TTC7B: variants seen among roughly 807,000 people sequenced by gnomAD.
TTC7B encodes tetratricopeptide repeat protein 7B.
TTC7B carries 28 observed loss-of-function variants against 106.8 expected under a neutral mutation model. The ratio of observed to expected loss-of-function variants is 0.26; its 90% confidence interval spans 0.19 to 0.36. The LOEUF (loss-of-function observed/expected upper bound fraction) is 0.36, where lower values mean the gene tolerates loss of function less well. TTC7B is among the 10% of genes least tolerant of loss of function. TTC7B has a pLI of 1.00. For missense variants in TTC7B, 862 were observed against 1,076.4 expected, an observed-to-expected ratio of 0.80 and a Z score of 2.79; for synonymous variants, 405 against 430.6, an observed-to-expected ratio of 0.94 and a Z score of 0.74.
Position 90,786,258 on chromosome 14 carries a change from C to G in TTC7B, c.192G>C (p.Gln64His), listed in dbSNP as rs141249365. ...GCTTGGGGCCTCGGGGACTGGCCCC[C>G]TGCCTCAGGGGGTGTTCCTTCAGGT... ...EQYLKEHPLR[Q>H]GASPRGPKPQ... The change falls in exon 2 of 20, where the codon CAG becomes CAC. Residue 64 changes from glutamine to histidine, a missense_variant. Transcript: ENST00000328459. 1.4e-5 allele frequency: 22 copies of G among 1,612,350 alleles called. No individual in the cohort carries two copies. The East Asian group carries it at 4.9e-4, about 36-fold the overall frequency.
Position 90,631,408 on chromosome 14 carries a change from ATT to A in TTC7B, c.1751+12638_1751+12639del, listed in dbSNP as rs752394881. ...ACTGTTTTCCATAGCGTCTGCACCA[ATT>A]TTTTTTTTTTTTTTTTGAGACAGAT... is the stretch of plus-strand genomic sequence containing the variant. On this transcript the variant is annotated intron_variant, in intron 15 of 19. Transcript: ENST00000328459. Among the ~76,000 whole-genome samples the A allele has an allele frequency of 6.4e-3, 856 of 133,560 alleles. 5 individuals carry two copies. The highest frequency in any genetic ancestry group is 0.022 in the African/African-American group (811 of 36,434). 87.6% of individuals were successfully genotyped at this position (133,560 alleles called of 152,430 possible).
Position 90,676,517 on chromosome 14 carries a change from C to A in TTC7B, c.1152+6G>T. 1 of 1,613,492 alleles carries A rather than the reference C, an allele frequency of 6.2e-7. No individual in the cohort carries two copies. Among genetic ancestry groups the A allele is most frequent in the Non-Finnish European group, 8.5e-7 (1 of 1,179,582 alleles). ...CCTGGATGTCAACCAGACTCAGCAG[C>A]TGTACCTCTGACAGCATCTCATACT... On this transcript the variant is annotated splice_donor_region_variant and intron_variant, in intron 9 of 19. Transcript: ENST00000328459.
At chr14:90,684,609 A>G in intron 7 of TTC7B, among the ~76,000 whole-genome samples, 1 of 152,204 alleles carries the variant, frequency 6.6e-6, no homozygotes, top group Non-Finnish European at 1.5e-5. Context: ...AGTTAGACAA[A>G]AGAAGTTAAA....
intron 5 of TTC7B, among the ~76,000 whole-genome samples, chr14:90,700,980 G>A (rs1313883489): frequency 1.3e-5 from 2 of 151,904 alleles, no homozygotes; most frequent in Non-Finnish European, 2.9e-5. Context: ...ATGGAGTCCA[G>A]CTTCCCCCTC....
At chr14:90,803,308 C>A (rs2030393854) in intron 1 of TTC7B, among the ~76,000 whole-genome samples, 1 of 152,142 alleles carries the variant, frequency 6.6e-6, no homozygotes, top group Non-Finnish European at 1.5e-5. Context: ...TATGTTCTAG[C>A]TGCAGTGCTT....
rs148992392 is a variant in TTC7B at position 90,607,671 on chromosome 14, G to A, written c.1966+3071C>T. 5.5e-3 allele frequency among the ~76,000 whole-genome samples: 842 copies of A among 152,358 alleles called. 7 individuals are homozygous for A. The highest frequency in any genetic ancestry group is 0.018 in the African/African-American group (766 of 41,590). ...GGCAAAGGGAGGAAAAATGACTGCG[G>A]TCATGCTGGATGGATAAGAATCCAG... On this transcript the variant is annotated intron_variant, in intron 17 of 19. Transcript: ENST00000328459.
At chr14:90,654,727 G>A (rs1308382981) in intron 12 of TTC7B, among the ~76,000 whole-genome samples, 2 of 152,216 alleles carry the variant, frequency 1.3e-5, no homozygotes, top group East Asian at 1.9e-4. Flanking sequence ...TCAAAGCGCA[G>A]TGAGGTGCCC....
chr14:90,729,935 T>C (rs1889261253), intron 5 of TTC7B, 140 bp downstream of exon 5: 2 of 827,824 alleles, frequency 2.4e-6, no homozygotes, highest in African/African-American at 4.1e-5. Flanking sequence ...CAATGTTCAT[T>C]CTTTAAAAGA....
At position 90,759,207 on chromosome 14, in the gene TTC7B, T is replaced by C. The variant is rs1890419384; in HGVS notation, c.446-14285A>G. 6.6e-6 allele frequency among the ~76,000 whole-genome samples: 1 copy of C among 152,042 alleles called. No homozygotes were observed. Among genetic ancestry groups the C allele is most frequent in the Non-Finnish European group, 1.5e-5 (1 of 68,004 alleles). Reference sequence around the variant, plus strand: ...GACTCTCTCCTTCTCCACAGAACAATCTGTGTTCTGCTCCCGCCCCCGAGA... The same window carrying C: ...GACTCTCTCCTTCTCCACAGAACAACCTGTGTTCTGCTCCCGCCCCCGAGA... On this transcript the variant is annotated intron_variant, in intron 3 of 19. Transcript: ENST00000328459. The surrounding 1 kb of genome is among the most constrained non-coding windows in gnomAD (Gnocchi z 4.1).
intron 15 of TTC7B, among the ~76,000 whole-genome samples, chr14:90,636,852 A>C (rs1428785737): frequency 6.6e-6 from 1 of 152,014 alleles, no homozygotes; most frequent in Non-Finnish European, 1.5e-5. Context: ...TAAAAATTTC[A>C]AATATTGAAA....
intron 5 of TTC7B, chr14:90,697,792 C>A (rs1566842351): frequency 6.6e-6 from 1 of 152,226 alleles, no homozygotes; most frequent in Admixed American, 6.5e-5. Flanking sequence ...GAAGTCTCCG[C>A]CCCGAAGGAG....
intron 5 of TTC7B, among the ~76,000 whole-genome samples, chr14:90,711,658 G>T (rs1888452576): frequency 1.3e-5 from 2 of 152,226 alleles, no homozygotes; most frequent in Non-Finnish European, 2.9e-5. Flanking sequence ...CTGGCCTCAG[G>T]TGATCCACCC....
In TTC7B at chr14:90,541,494, G is replaced by A. The variant is rs147731092; in HGVS notation, c.2406C>T (p.Asn802=). ...GAGCTTGGAGGACCTCGCCCAGCCC[G>A]TTCCAGACCTCGTGGGCTGTCGAGT... ...QVNSTAHEVW[N]GLGEVLQAQG... Residue 802 remains asparagine, a synonymous_variant, in exon 20 of 20, where the codon AAC becomes AAT. Transcript: ENST00000328459. 657 of 1,613,950 alleles carry A rather than the reference G, an allele frequency of 4.1e-4. 1 individual carries two copies. The highest frequency in any genetic ancestry group is 5.1e-4 in the Non-Finnish European group (605 of 1,179,966).
At position 90,628,204 on chromosome 14, in the gene TTC7B, A is replaced by T. The variant is rs1884535871; in HGVS notation, c.1752-10159T>A. Among the ~76,000 whole-genome samples the T allele has an allele frequency of 2.0e-5, 3 of 152,268 alleles. No homozygotes were observed. The South Asian group carries it at 6.2e-4, about 31-fold the overall frequency. On this transcript the variant is annotated intron_variant, in intron 15 of 19. Coordinates refer to ENST00000328459, the MANE Select transcript of TTC7B (RefSeq NM_001010854.2). ...CCATCTGCTAAGTACATACGTGAAC[A>T]GGACATGTTTGAAAGCAAGTCTTCC...
At chr14:90,686,006 A>G (rs1251587355) in intron 7 of TTC7B, among the ~76,000 whole-genome samples, 3 of 152,226 alleles carry the variant, frequency 2.0e-5, no homozygotes, top group African/African-American at 7.2e-5. Flanking sequence ...TATGAGGCCA[A>G]TATTACTCTA....
At position 90,538,700 on chromosome 14, in the gene TTC7B, G is replaced by A. The variant is rs1433356135; in HGVS notation, c.*2668C>T. On this transcript the variant is annotated 3_prime_UTR_variant, in exon 20 of 20. Coordinates refer to ENST00000328459, the MANE Select transcript of TTC7B (RefSeq NM_001010854.2). ...GTGGGGGACTGAGGAGTCTGGAAGA[G>A]TGCCCAAGGGGGGAGTACCAAGGAC... 3 of 152,220 alleles carry A rather than the reference G, an allele frequency of 2.0e-5. No individual in the cohort carries two copies. In the South Asian group the frequency reaches 6.2e-4, roughly 31 times the overall value. 9.4% of individuals were successfully genotyped at this position (152,220 alleles called of 1,614,324 possible). A position where few individuals can be genotyped will look rare whatever the true frequency, so the allele number is the denominator to read the frequency against.
At chr14:90,569,192 A>G (rs1286069000) in intron 19 of TTC7B, among the ~76,000 whole-genome samples, 1 of 152,218 alleles carries the variant, frequency 6.6e-6, no homozygotes, top group African/African-American at 2.4e-5. Context: ...GGTGAAAGCC[A>G]TGAAAAGGCC....
chr14:90,622,815 A>G (rs543682810), intron 15 of TTC7B, among the ~76,000 whole-genome samples: 1 of 152,294 alleles, frequency 6.6e-6, no homozygotes, highest in South Asian at 2.1e-4. Flanking sequence ...GAACCTTGCT[A>G]AAATACCAAT....
At chr14:90,674,977 G>T (rs1406857887) in intron 9 of TTC7B, 1 of 152,192 alleles carries the variant, frequency 6.6e-6, no homozygotes, top group Non-Finnish European at 1.5e-5. Flanking sequence ...AAGTCATCTG[G>T]GTGAAAACAA....
Sources: allele counts gnomAD v4.1 joint callset (sites outside exome capture counted in the v4.1 genomes callset), GRCh38; gene constraint gnomAD v4.1.1; non-coding constraint Gnocchi (gnomAD v3.1); transcripts MANE v1.5; gene names NCBI Gene and HGNC (gene_info 2026-07-23, HGNC 2026-07-21).